The following ANKRD16 variants were observed in gnomAD, a reference collection of about 807,000 sequenced individuals.
ANKRD16 encodes the protein ankyrin repeat domain-containing protein 16.
Under a neutral mutation model 37.9 loss-of-function variants are expected in ANKRD16, and 35 were observed. The observed-to-expected ratio is 0.92, with a 90% CI of 0.71 to 1.23. The LOEUF is 1.23. Among genes scored for constraint, ANKRD16 ranks in the 50% most tolerant of loss-of-function variants. The pLI is 0.00. For synonymous variants in ANKRD16, 206 were observed against 197.2 expected (o/e 1.04, Z -0.37); for missense variants, 480 against 469.9 (o/e 1.02, Z -0.20).
In ANKRD16 at chr10:5,868,316, A is replaced by G. The variant is rs1842043475; in HGVS notation, c.*34-5625T>C. On this transcript the variant is annotated intron_variant, in intron 7 of 7. Transcript: ENST00000380094. The surrounding 1 kb of genome is among the most constrained non-coding windows in gnomAD (Gnocchi z 4.9). Reference sequence around the variant, plus strand: ...TCTAGAGGACACTACAACTGCAGGGACCCTTCTTTGCCCCTATCCAGCAGG... The same window carrying G: ...TCTAGAGGACACTACAACTGCAGGGGCCCTTCTTTGCCCCTATCCAGCAGG... 6.6e-6 allele frequency among the ~76,000 whole-genome samples: 1 copy of G among 152,118 alleles called. No individual in the cohort carries two copies. Among genetic ancestry groups the G allele is most frequent in the African/African-American group, 2.4e-5 (1 of 41,428 alleles).
rs1842077674 is a variant in ANKRD16 at position 5,870,790 on chromosome 10, C to A, written c.*33+7307G>T. 6.6e-6 allele frequency among the ~76,000 whole-genome samples: 1 copy of A among 152,172 alleles called. No homozygotes were observed. Among genetic ancestry groups the A allele is most frequent in the Admixed American group, 6.5e-5 (1 of 15,280 alleles). ...AAGAGTAACAAGAGACCTGGTTCACCTGTGGTGAAGCCAGGAGAGGTGTCA... is the reference window on the plus strand; with the variant it reads ...AAGAGTAACAAGAGACCTGGTTCACATGTGGTGAAGCCAGGAGAGGTGTCA... On this transcript the variant is annotated intron_variant, in intron 7 of 7. Transcript: ENST00000380094. This position sits in a 1 kb window ranked among gnomAD's most constrained non-coding sequence, Gnocchi z 5.0.
chr10:5,874,065 A>T lies in ANKRD16; in HGVS notation c.*33+4032T>A, dbSNP rs574497193. 6.6e-6 allele frequency among the ~76,000 whole-genome samples: 1 copy of T among 151,780 alleles called. No homozygotes were observed. Among genetic ancestry groups the T allele is most frequent in the African/African-American group, 2.4e-5 (1 of 41,356 alleles). ...GCCACCACGCCTGGCTAATTTTTGT[A>T]TTTTTAGTAAAGACGGGATTTCACC... On this transcript the variant is annotated intron_variant, in intron 7 of 7. Transcript: ENST00000380094. The surrounding 1 kb of genome is among the most constrained non-coding windows in gnomAD (Gnocchi z 4.7).
chr10:5,889,063 C>A lies in ANKRD16; in HGVS notation c.292G>T (p.Asp98Tyr). 1 of 1,554,870 alleles carries A rather than the reference C, an allele frequency of 6.4e-7. No homozygotes were observed. The highest frequency in any genetic ancestry group is 1.9e-5 in the Admixed American group (1 of 52,544). Residue 98 changes from aspartate to tyrosine, a missense_variant, in exon 1 of 8, where the codon GAC becomes TAC. By Grantham distance (160) the Asp-to-Tyr change is radical. Coordinates refer to ENST00000380094, the MANE Select transcript of ANKRD16 (RefSeq NM_019046.3). The part of the protein sequence containing the change: ...RYLLGRGAAV[D>Y]CLKKADWTPL... ...TACCAGTCGGCCTTCTTCAGGCAGTCGACCGCTGCCCCCCGGCCCAGCAGG... is the reference window on the plus strand; with the variant it reads ...TACCAGTCGGCCTTCTTCAGGCAGTAGACCGCTGCCCCCCGGCCCAGCAGG...
chr10:5,872,822 C>T (rs1028800699), intron 7 of ANKRD16, among the ~76,000 whole-genome samples: 6 of 151,676 alleles, frequency 4.0e-5, no homozygotes, highest in Admixed American at 2.0e-4. Context: ...TCCCAAAGTG[C>T]TGGCATTACA....
chr10:5,878,256 C>T lies in ANKRD16; in HGVS notation c.960G>A (p.Leu320=). Residue 320 remains leucine, a synonymous_variant, in exon 7 of 8, where the codon TTG becomes TTA. Coordinates refer to ENST00000380094, the MANE Select transcript of ANKRD16 (RefSeq NM_019046.3). This position sits in a 1 kb window ranked among gnomAD's most constrained non-coding sequence, Gnocchi z 5.1. ...ALHLACAGQH[L]ACAKFLLQSG... ...ACTGCAGGAGAAACTTGGCACAGGC[C>T]AAGTGCTGACCTGCACAGGCCAGAT... 5.0e-6 allele frequency: 8 copies of T among 1,614,022 alleles called. No homozygotes were observed. Among genetic ancestry groups the T allele is most frequent in the Non-Finnish European group, 6.8e-6 (8 of 1,179,998 alleles).
chr10:5,873,745 C>G (rs1842140562), intron 7 of ANKRD16, among the ~76,000 whole-genome samples: 1 of 152,168 alleles, frequency 6.6e-6, no homozygotes, highest in Admixed American at 6.5e-5. Context: ...GCTTCTTTAG[C>G]CTGACTTTTG....
intron 7 of ANKRD16, among the ~76,000 whole-genome samples, chr10:5,867,208 A>T (rs1443860529): frequency 6.6e-6 from 1 of 152,212 alleles, no homozygotes; most frequent in Admixed American, 6.5e-5. Context: ...AAAATCCTTA[A>T]CCCAGCAGGT....
At position 5,874,732 on chromosome 10, in the gene ANKRD16, G is replaced by C. The variant is rs1842158961; in HGVS notation, c.*33+3365C>G. 6.6e-6 allele frequency among the ~76,000 whole-genome samples: 1 copy of C among 152,178 alleles called. No individual in the cohort carries two copies. Among genetic ancestry groups the C allele is most frequent in the Non-Finnish European group, 1.5e-5 (1 of 68,034 alleles). On this transcript the variant is annotated intron_variant, in intron 7 of 7. Transcript: ENST00000380094. This position sits in a 1 kb window ranked among gnomAD's most constrained non-coding sequence, Gnocchi z 4.7. ...GAACATCCATGCAGAAACGTAAGCA[G>C]GCAGTGGAAAGTAAGGGCTAGAGAG... is the stretch of plus-strand genomic sequence containing the variant.
In ANKRD16 at chr10:5,866,582, G is replaced by C. The variant is rs2131752858; in HGVS notation, c.*34-3891C>G. ...CCATGCTGCAATATGGAAAGAAAGG[G>C]GGTTCCTAACCTCTGGGGAACCACA... On this transcript the variant is annotated intron_variant, in intron 7 of 7. Coordinates refer to ENST00000380094, the MANE Select transcript of ANKRD16 (RefSeq NM_019046.3). The surrounding 1 kb of genome is among the most constrained non-coding windows in gnomAD (Gnocchi z 4.3). 6.6e-6 allele frequency among the ~76,000 whole-genome samples: 1 copy of C among 152,306 alleles called. No individual in the cohort carries two copies. The highest frequency in any genetic ancestry group is 2.4e-5 in the African/African-American group (1 of 41,564).
intron 7 of ANKRD16, among the ~76,000 whole-genome samples, chr10:5,872,583 A>T (rs138639392): frequency 6.6e-6 from 1 of 151,756 alleles, no homozygotes; most frequent in East Asian, 1.9e-4. Flanking sequence ...TTGAGATGGA[A>T]TCTCACTCTG....
rs1360184152 is a variant in ANKRD16, at chr10:5,865,952, T to C, written c.*34-3261A>G. On this transcript the variant is annotated intron_variant, in intron 7 of 7. Transcript: ENST00000380094. This position sits in a 1 kb window ranked among gnomAD's most constrained non-coding sequence, Gnocchi z 4.7. ...ACTCATGGGACAACCCCACAACCAGTGGCATACCTAAGTAAGGAAACTGAT... is the reference window on the plus strand; with the variant it reads ...ACTCATGGGACAACCCCACAACCAGCGGCATACCTAAGTAAGGAAACTGAT... 2.0e-5 allele frequency among the ~76,000 whole-genome samples: 3 copies of C among 152,186 alleles called. No individual in the cohort carries two copies. Among genetic ancestry groups the C allele is most frequent in the East Asian group, 1.9e-4 (1 of 5,192 alleles).
chr10:5,872,770 A>T (rs916504035), intron 7 of ANKRD16, among the ~76,000 whole-genome samples: 1 of 151,788 alleles, frequency 6.6e-6, no homozygotes, highest in Non-Finnish European at 1.5e-5. Context: ...GTTAGCCAAG[A>T]TGGTCTTAAT....
intron 2 of ANKRD16, among the ~76,000 whole-genome samples, chr10:5,886,700 G>A (rs1842429015): frequency 6.6e-6 from 1 of 152,184 alleles, no homozygotes; most frequent in African/African-American, 2.4e-5. Context: ...AAAGCTACAA[G>A]TTATATTCTG....
chr10:5,874,079 C>T lies in ANKRD16; in HGVS notation c.*33+4018G>A, dbSNP rs1327581444. On this transcript the variant is annotated intron_variant, in intron 7 of 7. Coordinates refer to ENST00000380094, the MANE Select transcript of ANKRD16 (RefSeq NM_019046.3). The surrounding 1 kb of genome is among the most constrained non-coding windows in gnomAD (Gnocchi z 4.7). The stretch of plus-strand genomic sequence containing the variant: ...CTAATTTTTGTATTTTTAGTAAAGA[C>T]GGGATTTCACCATGTTGGCCAGGAT... Among the ~76,000 whole-genome samples the T allele has an allele frequency of 2.6e-5, 4 of 151,998 alleles. No homozygotes were observed. Among genetic ancestry groups the T allele is most frequent in the South Asian group, 4.2e-4 (2 of 4,818 alleles).
In ANKRD16 at chr10:5,880,500, C is replaced by T. The variant is rs768498041; in HGVS notation, c.850-124G>A. ...TTATTTTGCCAAGGTTAAGGACATA[C>T]CTGAGAGACAGGTCTGTGTCTCTCT... On this transcript the variant is annotated intron_variant, in intron 5 of 7. Coordinates refer to ENST00000380094, the MANE Select transcript of ANKRD16 (RefSeq NM_019046.3). 4.0e-4 allele frequency: 182 copies of T among 458,336 alleles called. 1 individual carries two copies. Among genetic ancestry groups the T allele is most frequent in the Non-Finnish European group, 6.3e-4 (166 of 262,928 alleles). 28.4% of individuals were successfully genotyped at this position (458,336 alleles called of 1,614,324 possible).
At chr10:5,880,222 A>C (rs1195578933) in intron 6 of ANKRD16, 76 bp downstream of exon 6, 1 of 463,166 alleles carries the variant, frequency 2.2e-6, no homozygotes, top group Non-Finnish European at 3.6e-6. Flanking sequence ...TATTAAAATC[A>C]TTGTTTTAAA....
rs553336538 is a variant in ANKRD16 at position 5,883,966 on chromosome 10, T to C, written c.687+3A>G. 1.9e-6 allele frequency: 3 copies of C among 1,612,972 alleles called. No individual in the cohort carries two copies. Among genetic ancestry groups the C allele is most frequent in the African/African-American group, 2.7e-5 (2 of 75,022 alleles). ...AAGAATAAAAACACAACCATTTTTA[T>C]ACCCCATGTTCATCGAGGAGCAGCC... is the stretch of plus-strand genomic sequence containing the variant. On this transcript the variant is annotated splice_donor_region_variant and intron_variant, in intron 4 of 7. Transcript: ENST00000380094.
At chr10:5,887,796 G>A (rs950875282) in intron 2 of ANKRD16, 51 bp downstream of exon 2, 3 of 1,560,608 alleles carry the variant, frequency 1.9e-6, no homozygotes, top group Admixed American at 1.8e-5. Flanking sequence ...GCAGTGCTGG[G>A]TGAAGCAGCC....
intron 3 of ANKRD16, among the ~76,000 whole-genome samples, chr10:5,884,560 G>A (rs563360150): frequency 9.2e-5 from 14 of 152,014 alleles, no homozygotes; most frequent in Middle Eastern, 3.4e-3. Context: ...GTGAAACCCC[G>A]TCTCTACCAA....
Sources: allele counts gnomAD v4.1 joint callset (sites outside exome capture counted in the v4.1 genomes callset), GRCh38; gene constraint gnomAD v4.1.1; non-coding constraint Gnocchi (gnomAD v3.1); transcripts MANE v1.5; gene names NCBI Gene and HGNC (gene_info 2026-07-23, HGNC 2026-07-21).